The following NPL variants were observed in gnomAD, a reference collection of about 807,000 sequenced individuals.
NPL encodes the protein N-acetylneuraminate lyase.
Under a neutral mutation model 41.1 loss-of-function variants are expected in NPL, and 32 were observed. That is an observed-to-expected ratio of 0.78 (90% CI 0.59 to 1.05). The LOEUF (loss-of-function observed/expected upper bound fraction) is 1.05. Ranked by LOEUF, NPL falls within the 50% of genes least tolerant of loss-of-function variation. The pLI, the probability that NPL is intolerant of heterozygous loss-of-function variation, is 0.00. For missense variants in NPL, 321 were observed against 378.4 expected (o/e 0.85, Z 1.26); for synonymous variants, 128 against 134.9 (o/e 0.95, Z 0.35).
intron 3 of NPL, among the ~76,000 whole-genome samples, chr1:182,802,576 G>C (rs6701846): frequency 6.6e-6 from 1 of 152,004 alleles, no homozygotes; most frequent in Non-Finnish European, 1.5e-5. Flanking sequence ...ACAAAAGTGC[G>C]GTGGCAGCCA....
At chr1:182,799,343 A>C (rs1275542300) in intron 3 of NPL, among the ~76,000 whole-genome samples, 2 of 152,250 alleles carry the variant, frequency 1.3e-5, no homozygotes, top group African/African-American at 4.8e-5. Context: ...ACTCATCCAT[A>C]AAATAGAATG....
intron 12 of NPL, chr1:182,826,173 A>G (rs998958039): frequency 3.1e-6 from 1 of 321,312 alleles, no homozygotes; most frequent in East Asian, 6.5e-5. Flanking sequence ...CTAAATACAG[A>G]TTTTACTAAA....
intron 6 of NPL, among the ~76,000 whole-genome samples, chr1:182,814,002 A>T (rs1667253210): frequency 6.6e-6 from 1 of 152,268 alleles, no homozygotes; most frequent in Non-Finnish European, 1.5e-5. Flanking sequence ...TATTAGATAT[A>T]GATATTACAA....
At chr1:182,812,338 T>C in intron 6 of NPL, 125 bp downstream of exon 6, 1 of 835,890 alleles carries the variant, frequency 1.2e-6, no homozygotes, top group Non-Finnish European at 2.0e-6. Context: ...GTGTGGGATC[T>C]CAGGGGCTTA....
At chr1:182,801,952 T>A (rs536133292) in intron 3 of NPL, among the ~76,000 whole-genome samples, 1 of 152,352 alleles carries the variant, frequency 6.6e-6, no homozygotes, top group Admixed American at 6.5e-5. Flanking sequence ...TGAGCCCCCA[T>A]ACAATTACTT....
At chr1:182,825,714 T>A in intron 11 of NPL, 67 bp from the exon 12 acceptor site, 2 of 1,106,874 alleles carry the variant, frequency 1.8e-6, no homozygotes, top group Non-Finnish European at 2.8e-6. Context: ...GTAATTTGAC[T>A]TCTACATTAT....
chr1:182,817,138 C>A (rs1667356713), intron 8 of NPL, among the ~76,000 whole-genome samples: 1 of 152,112 alleles, frequency 6.6e-6, no homozygotes, highest in African/African-American at 2.4e-5. Context: ...AGTGTATCTA[C>A]CTTGAACCTG....
intron 3 of NPL, among the ~76,000 whole-genome samples, chr1:182,798,087 A>G (rs772922662): frequency 5.6e-4 from 85 of 152,338 alleles, no homozygotes; most frequent in Non-Finnish European, 1.2e-3. Context: ...TGAGGGAGCC[A>G]TAGGTATCTC....
chr1:182,797,681 G>A (rs1666714289), intron 3 of NPL, among the ~76,000 whole-genome samples: 1 of 152,140 alleles, frequency 6.6e-6, no homozygotes, highest in African/African-American at 2.4e-5. Flanking sequence ...CTTAAAAGGA[G>A]TTAGATGACC....
chr1:182,822,554 T>A (rs767188634), intron 11 of NPL, among the ~76,000 whole-genome samples: 2 of 152,176 alleles, frequency 1.3e-5, no homozygotes, highest in Non-Finnish European at 2.9e-5. Flanking sequence ...ATCAGAGTTA[T>A]CACAGAATAT....
chr1:182,798,371 G>T (rs1666736622), intron 3 of NPL, among the ~76,000 whole-genome samples: 1 of 152,000 alleles, frequency 6.6e-6, no homozygotes, highest in Non-Finnish European at 1.5e-5. Flanking sequence ...GGGATTAGAG[G>T]TATGCACCAC....
intron 10 of NPL, among the ~76,000 whole-genome samples, chr1:182,819,478 G>A (rs1243322323): frequency 1.3e-5 from 2 of 151,894 alleles, no homozygotes; most frequent in African/African-American, 4.8e-5. Context: ...AGGCGTGGTG[G>A]CAGGCACCTG....
intron 4 of NPL, 102 bp from the exon 5 acceptor site, chr1:182,806,043 A>G (rs551020152): frequency 3.7e-6 from 5 of 1,365,924 alleles, no homozygotes; most frequent in South Asian, 2.4e-5. Context: ...TCCCCTCCTG[A>G]CCATCCTCAG....
At chr1:182,813,152 CAAAA>C (rs60905476) in intron 6 of NPL, among the ~76,000 whole-genome samples, 1 of 56,978 alleles carries the variant, frequency 1.8e-5, no homozygotes, top group Non-Finnish European at 3.6e-5. Flanking sequence ...GACTCCATCT[CAAAA>C]AAAAAAAAAA....
chr1:182,811,333 A>G (rs1667169534), intron 5 of NPL, among the ~76,000 whole-genome samples: 2 of 151,908 alleles, frequency 1.3e-5, no homozygotes, highest in Admixed American at 6.6e-5. Flanking sequence ...GGTTCAAGCT[A>G]TTCTCCCATC....
intron 8 of NPL, 58 bp downstream of exon 8, chr1:182,816,864 A>G: frequency 1.4e-6 from 2 of 1,379,424 alleles, no homozygotes; most frequent in Non-Finnish European, 2.0e-6. Context: ...TTACCCTATT[A>G]TGCTAAGAAA....
intron 3 of NPL, among the ~76,000 whole-genome samples, chr1:182,800,435 C>CAAAA (rs1053733197): frequency 9.7e-5 from 5 of 51,594 alleles, no homozygotes; most frequent in Admixed American, 2.2e-4. Context: ...GACCCTGTCT[C>CAAAA]AAAAAAAAAA....
chr1:182,829,406 CA>C lies in NPL; in HGVS notation c.*499del. On this transcript the variant is annotated 3_prime_UTR_variant, in exon 13 of 13. Coordinates refer to ENST00000367553, the MANE Select transcript of NPL (RefSeq NM_030769.3). The stretch of plus-strand genomic sequence containing the variant: ...GTATACAACTCAAAATACACCAGCT[CA>C]TTTGGCTGCTCAGTCTAACTCTAGA... 7.2e-7 allele frequency: 1 copy of C among 1,384,962 alleles called. No individual in the cohort carries two copies. Among genetic ancestry groups the C allele is most frequent in the Non-Finnish European group, 9.4e-7 (1 of 1,067,168 alleles). 85.8% of individuals were successfully genotyped at this position (1,384,962 alleles called of 1,614,324 possible).
At chr1:182,799,292 A>C (rs923121508) in intron 3 of NPL, among the ~76,000 whole-genome samples, 1 of 152,252 alleles carries the variant, frequency 6.6e-6, no homozygotes, top group African/African-American at 2.4e-5. Flanking sequence ...ACAGACAATT[A>C]GAAAAAGGAA....
Sources: gnomAD v4.1 joint callset for allele counts (sites outside exome capture counted in the v4.1 genomes callset) on GRCh38, gnomAD v4.1.1 for gene constraint, MANE v1.5 for transcripts, NCBI Gene and HGNC (gene_info 2026-07-23, HGNC 2026-07-21) for gene names.